Variants in KIAA1217 observed in about 807,000 individuals in gnomAD.
KIAA1217 encodes the protein sickle tail protein homolog.
In KIAA1217, 88 loss-of-function variants were observed where a neutral mutation model predicts 163.9. The observed-to-expected ratio is 0.54, with a 90% confidence interval of 0.45 to 0.64. The LOEUF is 0.64. Among genes scored for constraint, KIAA1217 ranks in the 30% least tolerant of loss-of-function variants. The probability of loss-of-function intolerance (pLI) is 0.00; values close to 1 mark genes in which losing one functional copy is unlikely to be tolerated. For synonymous variants in KIAA1217, 903 were observed against 923.1 expected (o/e 0.98, Z 0.39); for missense variants, 2,372 against 2,475.0 (o/e 0.96, Z 0.88).
chr10:24,345,082 T>TCTG (rs1021317006), intron 2 of KIAA1217, among the ~76,000 whole-genome samples: 6 of 152,188 alleles, frequency 3.9e-5, no homozygotes, highest in African/African-American at 1.4e-4. Flanking sequence ...GGGTATATAG[T>TCTG]CTGTTCTTTG....
chr10:24,156,375 G>A (rs543351641), intron 2 of KIAA1217, among the ~76,000 whole-genome samples: 4 of 152,114 alleles, frequency 2.6e-5, no homozygotes, highest in Admixed American at 6.6e-5. Flanking sequence ...AAATGTTGAC[G>A]TATATTTGGT....
chr10:23,714,271 G>A (rs370483159), intron 1 of KIAA1217, among the ~76,000 whole-genome samples: 3 of 147,182 alleles, frequency 2.0e-5, no homozygotes, highest in African/African-American at 8.1e-5. Flanking sequence ...TTGTCTTAGG[G>A]CAGCTTCCAC....
intron 1 of KIAA1217, among the ~76,000 whole-genome samples, chr10:23,846,326 A>G (rs527419978): frequency 5.9e-5 from 9 of 152,164 alleles, no homozygotes; most frequent in African/African-American, 1.9e-4. Flanking sequence ...TTCGAGCACT[A>G]TGGCCATTTT....
chr10:23,999,271 G>C (rs1846635097), intron 1 of KIAA1217, among the ~76,000 whole-genome samples: 1 of 152,180 alleles, frequency 6.6e-6, no homozygotes, highest in Admixed American at 6.5e-5. Context: ...TTGCCCCAGG[G>C]AGGGTGCCTC....
intron 10 of KIAA1217, among the ~76,000 whole-genome samples, chr10:24,519,495 C>T (rs549723292): frequency 2.4e-4 from 37 of 152,204 alleles, no homozygotes; most frequent in South Asian, 1.0e-3. Context: ...GGCAATTTTG[C>T]TCCCCCTTCC....
At chr10:24,201,872 G>A (rs1371423297) in intron 2 of KIAA1217, among the ~76,000 whole-genome samples, 1 of 152,190 alleles carries the variant, frequency 6.6e-6, no homozygotes, top group Non-Finnish European at 1.5e-5. Context: ...GGGCTACAGT[G>A]AGCCCTTTGA....
chr10:24,369,471 C>T (rs1342763354), intron 2 of KIAA1217, among the ~76,000 whole-genome samples: 2 of 152,016 alleles, frequency 1.3e-5, no homozygotes, highest in African/African-American at 4.8e-5. Context: ...CAGCCCATAC[C>T]CTCACTGAGG....
intron 1 of KIAA1217, among the ~76,000 whole-genome samples, chr10:23,798,109 G>C (rs375671121): frequency 2.5e-4 from 38 of 152,248 alleles, no homozygotes; most frequent in African/African-American, 9.1e-4. Context: ...ATGTGCAAGA[G>C]AGTCAATCAG....
chr10:24,293,616 C>T (rs1440810773), intron 2 of KIAA1217, among the ~76,000 whole-genome samples: 4 of 152,190 alleles, frequency 2.6e-5, no homozygotes, highest in Non-Finnish European at 5.9e-5. Flanking sequence ...TTGATATCTG[C>T]CCTGAGCATT....
rs1455584365 is a variant in KIAA1217 at position 24,264,786 on chromosome 10, TC to T, written c.354+44878del. Reference sequence around the variant, plus strand: ...GTCTTTCTCTCTCTCTCTCTCTCTCTCTCTCTCTCTCTCTCTCATTCTCTCT... The same window carrying T: ...GTCTTTCTCTCTCTCTCTCTCTCTCTTCTCTCTCTCTCTCTCATTCTCTCT... On this transcript the variant is annotated intron_variant, in intron 2 of 20. Transcript: ENST00000376454. 1.6e-4 allele frequency among the ~76,000 whole-genome samples: 24 copies of T among 151,654 alleles called. No homozygotes were observed. The East Asian group carries it at 4.5e-3, about 28-fold the overall frequency.
At chr10:24,334,743 T>G (rs1189644208) in intron 2 of KIAA1217, among the ~76,000 whole-genome samples, 1 of 152,218 alleles carries the variant, frequency 6.6e-6, no homozygotes, top group African/African-American at 2.4e-5. Context: ...ATAGTCATAA[T>G]ATCTGCAAAA....
intron 2 of KIAA1217, among the ~76,000 whole-genome samples, chr10:24,245,943 T>G (rs1277430123): frequency 6.6e-6 from 1 of 152,190 alleles, no homozygotes; most frequent in Admixed American, 6.5e-5. Context: ...TGGCCAGGTC[T>G]CATTTTCATA....
chr10:24,404,159 A>G (rs1021792776), intron 3 of KIAA1217, among the ~76,000 whole-genome samples: 2 of 152,162 alleles, frequency 1.3e-5, no homozygotes, highest in African/African-American at 2.4e-5. Flanking sequence ...GGGTTTCACC[A>G]TGCTACGCAG....
At chr10:24,193,562 T>G (rs2066828036) in intron 2 of KIAA1217, among the ~76,000 whole-genome samples, 1 of 152,210 alleles carries the variant, frequency 6.6e-6, no homozygotes, top group South Asian at 2.1e-4. Flanking sequence ...TCTTCCTTTA[T>G]CTGTGGGGGA....
At chr10:24,344,217 G>C (rs1487213374) in intron 2 of KIAA1217, among the ~76,000 whole-genome samples, 10 of 152,184 alleles carry the variant, frequency 6.6e-5, no homozygotes, top group Admixed American at 5.9e-4. Context: ...GTTAAAAATA[G>C]CATCTAGAAG....
At chr10:24,041,945 T>TGC (rs1444631813) in intron 2 of KIAA1217, among the ~76,000 whole-genome samples, 170 of 150,864 alleles carry the variant, frequency 1.1e-3, no homozygotes, top group African/African-American at 4.0e-3. Flanking sequence ...GGGAGTATCG[T>TGC]GTGTGTGTGT....
intron 3 of KIAA1217, among the ~76,000 whole-genome samples, chr10:24,395,301 A>G (rs1245483599): frequency 1.3e-5 from 2 of 152,116 alleles, no homozygotes; most frequent in Admixed American, 1.3e-4. Context: ...CCTTAGACTC[A>G]ACATCTGACC....
intron 3 of KIAA1217, among the ~76,000 whole-genome samples, chr10:24,427,611 A>T (rs2059278220): frequency 6.6e-6 from 1 of 152,198 alleles, no homozygotes; most frequent in Admixed American, 6.5e-5. Flanking sequence ...GATGAAATAC[A>T]TACACATGGT....
intron 2 of KIAA1217, among the ~76,000 whole-genome samples, chr10:24,108,990 C>T (rs934558578): frequency 1.3e-5 from 2 of 152,166 alleles, no homozygotes; most frequent in Non-Finnish European, 2.9e-5. Flanking sequence ...TGGCACCACA[C>T]CCAGCTGTTT....
Sources: gnomAD v4.1 joint callset for allele counts (sites outside exome capture counted in the v4.1 genomes callset) on GRCh38, gnomAD v4.1.1 for gene constraint, MANE v1.5 for transcripts, NCBI Gene and HGNC (gene_info 2026-07-23, HGNC 2026-07-21) for gene names.